VPS13C: variants seen among roughly 807,000 people sequenced by gnomAD.
The protein encoded by VPS13C is vacuolar protein sorting 13 homolog C.
Under a neutral mutation model 456.8 loss-of-function variants are expected in VPS13C, and 358 were observed. The ratio of observed to expected loss-of-function variants is 0.78; its 90% CI spans 0.72 to 0.86. VPS13C has a LOEUF of 0.86. Ranked by LOEUF, VPS13C falls within the 40% of genes least tolerant of loss-of-function variation. The pLI is 0.00. For missense variants in VPS13C, 4,818 were observed against 4,385.4 expected (o/e 1.10, Z -2.79); for synonymous variants, 1,578 against 1,486.7 (o/e 1.06, Z -1.41).
In VPS13C at chr15:61,962,420, A is replaced by G; in HGVS notation, c.3554T>C (p.Val1185Ala). 1 of 1,607,740 alleles carries G rather than the reference A, an allele frequency of 6.2e-7. No homozygotes were observed. The highest frequency in any genetic ancestry group is 1.1e-5 in the South Asian group (1 of 89,698). ...SKVDGVLSLN[V>A]GCIQIVYLHK... Reference sequence around the variant, plus strand: ...AAGATAGACAATCTGAATACAGCCAACATTCAGAGACAGCACACCATCCAC... The same window carrying G: ...AAGATAGACAATCTGAATACAGCCAGCATTCAGAGACAGCACACCATCCAC... The change falls in exon 34 of 85, where the codon GTT (valine) becomes GCT (alanine). Residue 1185 changes from valine to alanine, a missense_variant. This residue lies in a region of VPS13C where 4,552 missense variants were observed against 4,130.6 expected (regional missense o/e 1.10). Transcript: ENST00000644861.
intron 15 of VPS13C, among the ~76,000 whole-genome samples, chr15:62,004,279 T>G (rs962769560): frequency 6.6e-6 from 1 of 151,424 alleles, no homozygotes; most frequent in Non-Finnish European, 1.5e-5. Flanking sequence ...ATTTATCCAT[T>G]TCTTCTAGAT....
At chr15:61,961,431 AC>A (rs2045201992) in intron 35 of VPS13C, among the ~76,000 whole-genome samples, 157 bp downstream of exon 35, 4 of 142,082 alleles carry the variant, frequency 2.8e-5, no homozygotes, top group African/African-American at 8.0e-5. Flanking sequence ...ACACACACAC[AC>A]ACACACACAC....
At chr15:61,899,787 A>T (rs1239875642) in intron 66 of VPS13C, among the ~76,000 whole-genome samples, 1 of 152,082 alleles carries the variant, frequency 6.6e-6, no homozygotes, top group Non-Finnish European at 1.5e-5. Flanking sequence ...TCTGATACCA[A>T]AGCTGGGCAG....
At chr15:61,996,181 G>A (rs1009006133) in intron 16 of VPS13C, among the ~76,000 whole-genome samples, 13 of 152,132 alleles carry the variant, frequency 8.5e-5, no homozygotes, top group Non-Finnish European at 1.8e-4. Flanking sequence ...CCAAACCAAA[G>A]TAGCAAAGGT....
In VPS13C at chr15:61,990,918, TAAAAA is replaced by T. The variant is rs34452796; in HGVS notation, c.1578+77_1578+81del. On this transcript the variant is annotated intron_variant, in intron 18 of 84. Transcript: ENST00000644861. ...TGGAATTAATAACATTTATATTACT[TAAAAA>T]AATCAGTAAGTCTAATCCAATTCAA... The T allele has an allele frequency of 9.8e-6, 9 of 921,962 alleles. No homozygotes were observed. The South Asian group carries it at 1.4e-4, about 14-fold the overall frequency. 57.1% of individuals were successfully genotyped at this position (921,962 alleles called of 1,614,324 possible).
At chr15:62,011,171 T>C (rs548918255) in intron 12 of VPS13C, among the ~76,000 whole-genome samples, 49 of 152,126 alleles carry the variant, frequency 3.2e-4, no homozygotes, top group Admixed American at 2.0e-3. Flanking sequence ...GGGAAGATGA[T>C]AGGGGAATGC....
intron 61 of VPS13C, 88 bp from the exon 62 acceptor site, chr15:61,913,503 T>C (rs2043365116): frequency 1.7e-6 from 2 of 1,143,854 alleles, no homozygotes; most frequent in Non-Finnish European, 2.6e-6. Flanking sequence ...CTACTAGAAA[T>C]TTCTTTAGTA....
chr15:61,920,307 T>C lies in VPS13C; in HGVS notation c.7237A>G (p.Thr2413Ala), dbSNP rs772621192. The C allele has an allele frequency of 8.7e-6, 14 of 1,606,930 alleles. No homozygotes were observed. The Admixed American group carries it at 1.8e-4, about 21-fold the overall frequency. The part of the protein sequence containing the change: ...AKGFSEGTAS[T>A]FDYSLKDRAP... ...CTGTCCTTTAAAGAGTAGTCAAAAG[T>C]AGAAGCAGTGCCCTCTGAAAAACCC... The change falls in exon 57 of 85, where the codon ACT becomes GCT. Residue 2413 changes from threonine to alanine, a missense_variant. Coordinates refer to ENST00000644861, the MANE Select transcript of VPS13C (RefSeq NM_020821.3).
intron 22 of VPS13C, among the ~76,000 whole-genome samples, chr15:61,979,580 A>C (rs2045811306): frequency 6.6e-6 from 1 of 152,242 alleles, no homozygotes; most frequent in African/African-American, 2.4e-5. Context: ...AGGTCAAGAC[A>C]ATTTTGAAGA....
chr15:61,853,052 T>C lies in VPS13C; in HGVS notation c.*1405A>G, dbSNP rs879616720. ...TAAAGGTTCAACCAAAAAACTTACA[T>C]ATTTTTGAGTATTTTTTAAAGTTTT... On this transcript the variant is annotated 3_prime_UTR_variant, in exon 85 of 85. Coordinates refer to ENST00000644861, the MANE Select transcript of VPS13C (RefSeq NM_020821.3). 1 of 152,172 alleles carries C rather than the reference T, an allele frequency of 6.6e-6. No individual in the cohort carries two copies. The allele number at this position is 152,172 out of a possible 1,614,324, so 9.4% of individuals were successfully genotyped here.
intron 15 of VPS13C, among the ~76,000 whole-genome samples, chr15:62,004,339 T>C (rs1314162435): frequency 1.3e-5 from 2 of 152,124 alleles, no homozygotes; most frequent in Admixed American, 6.6e-5. Context: ...TGATGGTAGT[T>C]TGTATTTCTG....
rs774965268 is a variant in VPS13C, at chr15:61,910,167, G to A, written c.8844+10C>T. On this transcript the variant is annotated intron_variant, in intron 64 of 84. Transcript: ENST00000644861. ...TAAAAATAAAAATAAAATAAAATATGAAAACTTACCAGATCTTCTAAGCTC... is the reference window on the plus strand; with the variant it reads ...TAAAAATAAAAATAAAATAAAATATAAAAACTTACCAGATCTTCTAAGCTC... 1.5e-6 allele frequency: 2 copies of A among 1,304,334 alleles called. No individual in the cohort carries two copies. Among genetic ancestry groups the A allele is most frequent in the Admixed American group, 3.3e-5 (1 of 30,656 alleles). 80.8% of individuals were successfully genotyped at this position (1,304,334 alleles called of 1,614,324 possible).
At chr15:61,912,083 A>C (rs1013618916) in intron 62 of VPS13C, 79 bp from the exon 63 acceptor site, 24 of 1,165,936 alleles carry the variant, frequency 2.1e-5, no homozygotes, top group Middle Eastern at 2.1e-4. Context: ...TTCACACACA[A>C]ACTTCTTACA....
At chr15:61,863,634 TA>T in intron 81 of VPS13C, 106 bp from the exon 82 acceptor site, 1 of 662,522 alleles carries the variant, frequency 1.5e-6, no homozygotes, top group Admixed American at 3.2e-5. Flanking sequence ...AAAAATTAAT[TA>T]GAAATAAAAG....
chr15:61,886,560 A>G (rs1896288138), intron 67 of VPS13C, among the ~76,000 whole-genome samples: 1 of 152,124 alleles, frequency 6.6e-6, no homozygotes, highest in South Asian at 2.1e-4. Flanking sequence ...TGCACTGAGT[A>G]GCAATGTCAA....
intron 46 of VPS13C, 59 bp from the exon 47 acceptor site, chr15:61,940,853 A>G: frequency 6.6e-7 from 1 of 1,516,474 alleles, no homozygotes; most frequent in Non-Finnish European, 8.9e-7. Context: ...AATGAGGACT[A>G]TCCTATTGTG....
chr15:62,035,266 C>G (rs1042083888), intron 3 of VPS13C, among the ~76,000 whole-genome samples: 19 of 151,612 alleles, frequency 1.3e-4, no homozygotes, highest in Admixed American at 1.1e-3. Context: ...TTTTATTTTT[C>G]AATATAAAAT....
chr15:61,989,063 A>C (rs944266686), intron 18 of VPS13C, among the ~76,000 whole-genome samples: 6 of 151,604 alleles, frequency 4.0e-5, no homozygotes, highest in Admixed American at 3.9e-4. Context: ...AATATTAAAA[A>C]TAAGAAGTCT....
intron 15 of VPS13C, among the ~76,000 whole-genome samples, chr15:62,003,148 T>C (rs1313812003): frequency 6.6e-6 from 1 of 152,128 alleles, no homozygotes; most frequent in Non-Finnish European, 1.5e-5. Context: ...TTCCTATCCA[T>C]GAGCATGGAA....
Sources: gnomAD v4.1 joint callset for allele counts (sites outside exome capture counted in the v4.1 genomes callset) on GRCh38, gnomAD v4.1.1 for gene constraint, gnomAD v4.1.1 regional missense constraint, MANE v1.5 for transcripts, NCBI Gene and HGNC (gene_info 2026-07-23, HGNC 2026-07-21) for gene names.